Variants in ROR2 observed in about 807,000 individuals in gnomAD.
The protein encoded by ROR2 is ROR family WNT receptor 2.
ROR2 carries 33 observed loss-of-function variants against 74.9 expected under a neutral mutation model. The observed-to-expected ratio is 0.44, with a 90% confidence interval of 0.33 to 0.59. The LOEUF (loss-of-function observed/expected upper bound fraction) is 0.59. Ranked by LOEUF, ROR2 falls within the 20% of genes least tolerant of loss-of-function variation. The pLI is 0.02. For synonymous variants in ROR2, 586 were observed against 558.7 expected (o/e 1.05, Z -0.69); for missense variants, 1,216 against 1,313.8 (o/e 0.93, Z 1.15).
intron 8 of ROR2, among the ~76,000 whole-genome samples, chr9:91,725,749 C>A (rs202075748): frequency 0.042 from 6,335 of 152,190 alleles, 374 homozygotes; most frequent in African/African-American, 0.13. Flanking sequence ...CTCTCGGCCT[C>A]TATGACACCA....
intron 1 of ROR2, among the ~76,000 whole-genome samples, chr9:91,817,866 G>A (rs890285180): frequency 6.6e-6 from 1 of 151,968 alleles, no homozygotes; most frequent in Admixed American, 6.5e-5. Flanking sequence ...GGGAGGAGAG[G>A]GAGGGGAAGG....
rs772879901 is a variant in ROR2 at position 91,731,171 on chromosome 9, A to T, written c.938-16T>A. The T allele has an allele frequency of 6.2e-7, 1 of 1,613,918 alleles. No homozygotes were observed. The highest frequency in any genetic ancestry group is 1.7e-5 in the Admixed American group (1 of 60,026). Reference sequence around the variant, plus strand: ...CACTGATGGTCTGAACAAGGAAAACACGTTAGGAAAACCTCCGGGGTACAA... The same window carrying T: ...CACTGATGGTCTGAACAAGGAAAACTCGTTAGGAAAACCTCCGGGGTACAA... On this transcript the variant is annotated splice_polypyrimidine_tract_variant and intron_variant, in intron 6 of 8. Transcript: ENST00000375708.
intron 1 of ROR2, among the ~76,000 whole-genome samples, chr9:91,890,690 CTCTTA>C (rs756808612): frequency 1.2e-4 from 18 of 152,244 alleles, no homozygotes; most frequent in Non-Finnish European, 2.2e-4. Flanking sequence ...TGAGAGCTTG[CTCTTA>C]TCTTTTCTAA....
At chr9:91,858,905 G>T (rs1425302298) in intron 1 of ROR2, among the ~76,000 whole-genome samples, 1 of 152,136 alleles carries the variant, frequency 6.6e-6, no homozygotes, top group African/African-American at 2.4e-5. Context: ...GACAGAAGAG[G>T]AATCAGAGCC....
chr9:91,802,067 G>GA (rs1324459104), intron 1 of ROR2, among the ~76,000 whole-genome samples: 1 of 103,694 alleles, frequency 9.6e-6, no homozygotes, highest in South Asian at 3.3e-4. Context: ...TTTGGAAGGT[G>GA]TTTTTTTTTT....
intron 1 of ROR2, among the ~76,000 whole-genome samples, chr9:91,799,636 C>T (rs906382902): frequency 6.6e-6 from 1 of 152,198 alleles, no homozygotes; most frequent in African/African-American, 2.4e-5. Context: ...AGCTTCTCTG[C>T]CTCCATCTCC....
At chr9:91,949,236 G>A (rs892330818) in intron 1 of ROR2, among the ~76,000 whole-genome samples, 1 of 151,808 alleles carries the variant, frequency 6.6e-6, no homozygotes, top group Non-Finnish European at 1.5e-5. Flanking sequence ...AGCGGTGGGG[G>A]AGAGGAGGTT....
Position 91,728,398 on chromosome 9 carries a change from CTTTAT to C in ROR2, c.1184-1660_1184-1656del, listed in dbSNP as rs202134218. 8.7e-3 allele frequency among the ~76,000 whole-genome samples: 1,318 copies of C among 152,020 alleles called. 17 individuals are homozygous for C. The highest frequency in any genetic ancestry group is 0.03 in the African/African-American group (1,239 of 41,426). Reference sequence around the variant, plus strand: ...TTTCTTAATTCGAATGTTGAATGAACTTTATTTTATTTATTTTTGAGACAGAGTGT... The same window carrying C: ...TTTCTTAATTCGAATGTTGAATGAACTTTATTTATTTTTGAGACAGAGTGT... On this transcript the variant is annotated intron_variant, in intron 7 of 8. Coordinates refer to ENST00000375708, the MANE Select transcript of ROR2 (RefSeq NM_004560.4).
rs745765341 is a variant in ROR2, at chr9:91,724,799, C to T, written c.1695G>A (p.Leu565=). ...YCSHGDLHEF[L]VMRSPHSDVG... ...CGTCCGAGTGCGGCGAGCGCATGAC[C>T]AGGAATTCGTGGAGGTCGCCGTGCG... The change falls in exon 9 of 9, where the codon CTG becomes CTA. Residue 565 remains leucine, a synonymous_variant. Transcript: ENST00000375708. The T allele has an allele frequency of 5.0e-6, 8 of 1,609,700 alleles. No homozygotes were observed. The highest frequency in any genetic ancestry group is 1.6e-4 in the Middle Eastern group (1 of 6,076).
At chr9:91,909,860 T>TTTAG (rs1830926416) in intron 1 of ROR2, among the ~76,000 whole-genome samples, 1 of 127,612 alleles carries the variant, frequency 7.8e-6, no homozygotes, top group East Asian at 2.2e-4. Flanking sequence ...TTTTTTTTTT[T>TTTAG]TTTTTTTTTT....
intron 1 of ROR2, among the ~76,000 whole-genome samples, chr9:91,946,338 G>A (rs1832013352): frequency 6.6e-6 from 1 of 152,200 alleles, no homozygotes; most frequent in Non-Finnish European, 1.5e-5. Flanking sequence ...CAACCAATGG[G>A]CAAGAGCAAG....
intron 1 of ROR2, among the ~76,000 whole-genome samples, chr9:91,884,276 C>A (rs1830208196): frequency 6.6e-6 from 1 of 152,086 alleles, no homozygotes; most frequent in Non-Finnish European, 1.5e-5. Flanking sequence ...TAAACACAGG[C>A]AGCAACAGAC....
chr9:91,826,788 AAAAAAAGAAAAAAG>A lies in ROR2; in HGVS notation c.98-50984_98-50971del, dbSNP rs536366542. Among the ~76,000 whole-genome samples, 743 of 149,766 alleles carry A rather than the reference AAAAAAAGAAAAAAG, an allele frequency of 5.0e-3. 2 individuals carry two copies. The highest frequency in any genetic ancestry group is 8.5e-3 in the Non-Finnish European group (579 of 67,748). ...AACAGAGAGAGACTCCGTCTCAAAA[AAAAAAAGAAAAAAG>A]AAAAAAGAAAAAAGAATGTGATCTT... On this transcript the variant is annotated intron_variant, in intron 1 of 8. Transcript: ENST00000375708.
At chr9:91,756,720 T>G (rs76100717) in intron 3 of ROR2, among the ~76,000 whole-genome samples, 4,739 of 149,850 alleles carry the variant, frequency 0.032, 236 homozygotes, top group East Asian at 0.15. Flanking sequence ...CCTCTCCATC[T>G]GCACCTATTT....
At chr9:91,836,595 G>C (rs1828619008) in intron 1 of ROR2, among the ~76,000 whole-genome samples, 1 of 151,014 alleles carries the variant, frequency 6.6e-6, no homozygotes, top group African/African-American at 2.4e-5. Context: ...GCAATGCTAA[G>C]AAAGCCCAGG....
At chr9:91,856,573 G>A (rs567175465) in intron 1 of ROR2, among the ~76,000 whole-genome samples, 4 of 152,226 alleles carry the variant, frequency 2.6e-5, no homozygotes, top group East Asian at 1.9e-4. Context: ...ACAGAGGGAC[G>A]ACCACGTGAT....
At chr9:91,894,142 AC>A (rs1830485008) in intron 1 of ROR2, among the ~76,000 whole-genome samples, 1 of 151,988 alleles carries the variant, frequency 6.6e-6, no homozygotes, top group African/African-American at 2.4e-5. Context: ...CTCTCCCAGC[AC>A]CCACCTCTAG....
chr9:91,728,212 G>A (rs1324755054), intron 7 of ROR2, among the ~76,000 whole-genome samples: 1 of 152,132 alleles, frequency 6.6e-6, no homozygotes, highest in African/African-American at 2.4e-5. Flanking sequence ...TTACAGAAAT[G>A]TGGCCTTTCA....
At chr9:91,831,854 T>G (rs539485096) in intron 1 of ROR2, among the ~76,000 whole-genome samples, 1 of 152,290 alleles carries the variant, frequency 6.6e-6, no homozygotes, top group East Asian at 1.9e-4. Context: ...AGACTTCAGC[T>G]TGCCCTGCCA....
Sources: allele counts gnomAD v4.1 joint callset (sites outside exome capture counted in the v4.1 genomes callset), GRCh38; gene constraint gnomAD v4.1.1; transcripts MANE v1.5; gene names NCBI Gene and HGNC (gene_info 2026-07-23, HGNC 2026-07-21).